The following GOLM1 variants were observed in gnomAD, a reference collection of about 807,000 sequenced individuals.
GOLM1 encodes the protein epididymis luminal protein 46.
GOLM1 carries 31 observed loss-of-function variants against 50.5 expected under a neutral mutation model. That is an observed-to-expected ratio of 0.61 (90% CI 0.46 to 0.83). GOLM1 has a LOEUF of 0.83. Ranked by LOEUF, GOLM1 falls within the 40% of genes least tolerant of loss-of-function variation. The pLI, the probability that GOLM1 is intolerant of heterozygous loss-of-function variation, is 0.00. For synonymous variants in GOLM1, 178 were observed against 192.8 expected (o/e 0.92, Z 0.64); for missense variants, 491 against 501.3 (o/e 0.98, Z 0.20).
At chr9:86,092,226 A>G (rs1298272602) in intron 1 of GOLM1, among the ~76,000 whole-genome samples, 2 of 152,280 alleles carry the variant, frequency 1.3e-5, no homozygotes, top group Non-Finnish European at 2.9e-5. Flanking sequence ...TAATTGCTCA[A>G]CAAATGTTGA....
In GOLM1 at chr9:86,033,324, C is replaced by T. The variant is rs1372784020; in HGVS notation, c.1087G>A (p.Asp363Asn). The T allele has an allele frequency of 6.2e-7, 1 of 1,613,318 alleles. No homozygotes were observed. Among genetic ancestry groups the T allele is most frequent in the East Asian group, 2.2e-5 (1 of 44,876 alleles). Reference sequence around the variant, plus strand: ...TTCCCTGCCAGGGCTGCTTGCTTGTCTGTCTCAGATTCTGCTTCATTTTCA... The same window carrying T: ...TTCCCTGCCAGGGCTGCTTGCTTGTTTGTCTCAGATTCTGCTTCATTTTCA... The part of the protein sequence containing the change: ...MDENEAESET[D>N]KQAALAGNDR... The change falls in exon 9 of 10, where the codon GAC (aspartate) becomes AAC (asparagine). Residue 363 changes from aspartate (D) to asparagine (N), a missense_variant. By Grantham distance (23) the Asp-to-Asn change is conservative (BLOSUM62 1). Transcript: ENST00000388712.
intron 3 of GOLM1, among the ~76,000 whole-genome samples, chr9:86,069,491 C>G (rs1019312356): frequency 1.2e-4 from 19 of 152,330 alleles, no homozygotes; most frequent in Non-Finnish European, 2.6e-4. Context: ...TCCCCAAGAA[C>G]TGAGTCTCAC....
In GOLM1 at chr9:86,026,697, A is replaced by G; in HGVS notation, c.*1120T>C. Reference sequence around the variant, plus strand: ...GAGCCTATTTACCATAAATAATACTAAGAACCAACTCAAGTCAAACCTTAA... The same window carrying G: ...GAGCCTATTTACCATAAATAATACTGAGAACCAACTCAAGTCAAACCTTAA... On this transcript the variant is annotated 3_prime_UTR_variant, in exon 10 of 10. Coordinates refer to ENST00000388712, the MANE Select transcript of GOLM1 (RefSeq NM_016548.4). 1 of 982,692 alleles carries G rather than the reference A, an allele frequency of 1.0e-6. No individual in the cohort carries two copies. The highest frequency in any genetic ancestry group is 1.2e-6 in the Non-Finnish European group (1 of 827,428). The allele number at this position is 982,692 out of a possible 1,614,324, so 60.9% of individuals were successfully genotyped here. A position where few individuals can be genotyped will look rare whatever the true frequency, so the allele number is the denominator to read the frequency against.
At chr9:86,079,641 C>CA (rs1834729598) in intron 1 of GOLM1, 1 of 261,834 alleles carries the variant, frequency 3.8e-6, no homozygotes, top group South Asian at 1.6e-4. Flanking sequence ...ATTCCTCTTA[C>CA]ACTTCAGATT....
intron 1 of GOLM1, among the ~76,000 whole-genome samples, chr9:86,092,117 A>G (rs536408813): frequency 6.6e-6 from 1 of 152,326 alleles, no homozygotes; most frequent in South Asian, 2.1e-4. Context: ...CACTCAGGGG[A>G]CACAGGACCT....
chr9:86,055,158 T>C (rs1363493398), intron 3 of GOLM1, among the ~76,000 whole-genome samples: 2 of 151,978 alleles, frequency 1.3e-5, no homozygotes, highest in Non-Finnish European at 2.9e-5. Context: ...ACAAATCTGG[T>C]ATTTGGGAGC....
intron 1 of GOLM1, among the ~76,000 whole-genome samples, chr9:86,097,173 C>A (rs760387296): frequency 1.3e-5 from 2 of 150,814 alleles, no homozygotes; most frequent in Non-Finnish European, 2.9e-5. Context: ...ACAAGTCTCT[C>A]TTTTAATGTA....
chr9:86,095,387 C>T (rs1293674272), intron 1 of GOLM1, among the ~76,000 whole-genome samples: 1 of 150,922 alleles, frequency 6.6e-6, no homozygotes, highest in East Asian at 2.0e-4. Flanking sequence ...TGCCACCACG[C>T]CCAGCTAATT....
chr9:86,070,749 T>C (rs956006692), intron 3 of GOLM1, among the ~76,000 whole-genome samples: 5 of 152,058 alleles, frequency 3.3e-5, no homozygotes, highest in African/African-American at 1.2e-4. Flanking sequence ...AACTCGAACT[T>C]TTACTAAGTA....
intron 1 of GOLM1, 41 bp downstream of exon 1, chr9:86,099,368 GAC>G (rs1326703967): frequency 6.6e-6 from 1 of 152,092 alleles, no homozygotes; most frequent in African/African-American, 2.4e-5. Context: ...GGAAGCGATG[GAC>G]CGCGGTTCGG....
At chr9:86,046,727 C>T (rs765721826) in intron 4 of GOLM1, among the ~76,000 whole-genome samples, 155 bp from the exon 5 acceptor site, 3 of 152,170 alleles carry the variant, frequency 2.0e-5, no homozygotes, top group Non-Finnish European at 4.4e-5. Context: ...AAAACACAGT[C>T]CCTCCCCAGA....
chr9:86,034,019 C>A (rs142317069), intron 8 of GOLM1, among the ~76,000 whole-genome samples: 4 of 147,732 alleles, frequency 2.7e-5, no homozygotes, highest in African/African-American at 1.0e-4. Context: ...GGCTGGAGTG[C>A]GGTGGCGTAA....
chr9:86,032,890 T>C (rs1000964185), intron 9 of GOLM1, among the ~76,000 whole-genome samples: 3 of 152,116 alleles, frequency 2.0e-5, no homozygotes, highest in Non-Finnish European at 4.4e-5. Flanking sequence ...AAAATAATAA[T>C]ACAAAGGGCA....
chr9:86,029,710 A>G (rs956361030), intron 9 of GOLM1, among the ~76,000 whole-genome samples: 3 of 152,210 alleles, frequency 2.0e-5, no homozygotes, highest in Admixed American at 6.5e-5. Flanking sequence ...CAATGACACA[A>G]TCTTAAAATA....
intron 3 of GOLM1, among the ~76,000 whole-genome samples, chr9:86,075,677 C>A (rs1834588498): frequency 1.3e-5 from 2 of 152,170 alleles, no homozygotes; most frequent in Admixed American, 1.3e-4. Flanking sequence ...TGAGAACCCA[C>A]CCTTGCTCAC....
In GOLM1 at chr9:86,033,350, TC is replaced by T; in HGVS notation, c.1060del (p.Asp354MetfsTer22). 1.2e-6 allele frequency: 2 copies of T among 1,613,656 alleles called. No individual in the cohort carries two copies. Among genetic ancestry groups the T allele is most frequent in the Non-Finnish European group, 8.5e-7 (1 of 1,179,540 alleles). ...TGTCTCAGATTCTGCTTCATTTTCA[TC>T]CATGTTGTAGTCATCTTCTCCTCTC... ...KLRGEDDYNM[D>X]ENEAESETDK... is the part of the protein sequence containing the mutation. On this transcript the variant is annotated frameshift_variant, in exon 9 of 10. Transcript: ENST00000388712. LOFTEE classifies it high-confidence loss of function.
At chr9:86,030,540 C>CA (rs1274861527) in intron 9 of GOLM1, among the ~76,000 whole-genome samples, 1 of 151,840 alleles carries the variant, frequency 6.6e-6, no homozygotes, top group Non-Finnish European at 1.5e-5. Flanking sequence ...GAGGGACTTT[C>CA]AACCAAATAA....
chr9:86,095,564 A>G (rs922441421), intron 1 of GOLM1, among the ~76,000 whole-genome samples: 2 of 152,092 alleles, frequency 1.3e-5, no homozygotes, highest in African/African-American at 2.4e-5. Flanking sequence ...TACATTTTCA[A>G]TGGTTGAAGA....
chr9:86,076,421 C>CAAAAAAAAAAAAA (rs58193076), intron 3 of GOLM1, among the ~76,000 whole-genome samples: 1 of 23,334 alleles, frequency 4.3e-5, no homozygotes, highest in African/African-American at 1.2e-4. Context: ...AACCCCATCT[C>CAAAAAAAAAAAAA]AAAAAAAAAA....
Sources: allele counts gnomAD v4.1 joint callset (sites outside exome capture counted in the v4.1 genomes callset), GRCh38; gene constraint gnomAD v4.1.1; transcripts MANE v1.5; gene names NCBI Gene and HGNC (gene_info 2026-07-23, HGNC 2026-07-21).